PAIP2B: variants seen among roughly 807,000 people sequenced by gnomAD.
The protein encoded by PAIP2B is poly(A) binding protein interacting protein 2B.
Under a neutral mutation model 17.0 loss-of-function variants are expected in PAIP2B, and 13 were observed. The observed-to-expected ratio is 0.76, with a 90% CI of 0.50 to 1.22. PAIP2B has a LOEUF of 1.22. Among genes scored for constraint, PAIP2B ranks in the 50% most tolerant of loss-of-function variants. The pLI is 0.00. For missense variants in PAIP2B, 117 were observed against 144.5 expected (o/e 0.81, Z 0.98); for synonymous variants, 43 against 48.7 (o/e 0.88, Z 0.48).
intron 1 of PAIP2B, among the ~76,000 whole-genome samples, chr2:71,226,424 A>AG (rs1240236480): frequency 1.3e-5 from 2 of 152,170 alleles, no homozygotes; most frequent in Admixed American, 6.5e-5. Context: ...GCTGGAGTCA[A>AG]GGGGGAGATG....
At chr2:71,211,554 A>ATGTT in intron 1 of PAIP2B, among the ~76,000 whole-genome samples, 2 of 151,140 alleles carry the variant, frequency 1.3e-5, no homozygotes, top group Middle Eastern at 6.8e-3. Context: ...CTACACCAAC[A>ATGTT]GTTCCCAAAC....
chr2:71,220,103 C>A (rs2103825937), intron 1 of PAIP2B, among the ~76,000 whole-genome samples: 1 of 152,318 alleles, frequency 6.6e-6, no homozygotes, highest in East Asian at 1.9e-4. Context: ...TCATCCCTAT[C>A]ATACTAGCAC....
Position 71,188,469 on chromosome 2 carries a change from C to T in PAIP2B, c.*10G>A. ...GGGGACAGACAAGTCTTCCTCAAAG[C>T]TTTCTCGGCTCAGTACTTCTCTCCT... On this transcript the variant is annotated 3_prime_UTR_variant, in exon 4 of 4. Coordinates refer to ENST00000244221, the MANE Select transcript of PAIP2B (RefSeq NM_020459.1). 6.2e-7 allele frequency: 1 copy of T among 1,606,488 alleles called. No individual in the cohort carries two copies. Among genetic ancestry groups the T allele is most frequent in the African/African-American group, 1.3e-5 (1 of 74,860 alleles).
At chr2:71,190,140 C>G (rs1674649690) in intron 2 of PAIP2B, 119 bp from the exon 3 acceptor site, 2 of 1,052,584 alleles carry the variant, frequency 1.9e-6, no homozygotes, top group Non-Finnish European at 2.7e-6. Flanking sequence ...TGATCTTGAG[C>G]TGGGTGTGGT....
chr2:71,198,983 G>A (rs1487832669), intron 2 of PAIP2B, among the ~76,000 whole-genome samples: 17 of 152,038 alleles, frequency 1.1e-4, no homozygotes, highest in Non-Finnish European at 2.5e-4. Flanking sequence ...TGAACACTGT[G>A]GAAATGACAA....
At chr2:71,190,798 C>G (rs563206069) in intron 2 of PAIP2B, among the ~76,000 whole-genome samples, 7 of 152,166 alleles carry the variant, frequency 4.6e-5, no homozygotes, top group African/African-American at 1.7e-4. Context: ...AAAATCAAAG[C>G]CAATGCTCTC....
At chr2:71,215,291 T>G (rs1297315937) in intron 1 of PAIP2B, among the ~76,000 whole-genome samples, 1 of 151,474 alleles carries the variant, frequency 6.6e-6, no homozygotes, top group Non-Finnish European at 1.5e-5. Context: ...GAGCGAGACT[T>G]CGTCTCAAAA....
At chr2:71,190,116 T>G (rs1440672621) in intron 2 of PAIP2B, 95 bp from the exon 3 acceptor site, 2 of 1,233,182 alleles carry the variant, frequency 1.6e-6, no homozygotes, top group Admixed American at 5.3e-5. Context: ...AAGGTATTAC[T>G]CTGCAATTAA....
intron 2 of PAIP2B, among the ~76,000 whole-genome samples, chr2:71,201,033 G>A (rs1674971811): frequency 6.6e-6 from 1 of 151,666 alleles, no homozygotes; most frequent in African/African-American, 2.4e-5. Flanking sequence ...GTGTGTGTGT[G>A]TGTGTGTGTG....
chr2:71,218,755 G>A (rs909987272), intron 1 of PAIP2B, among the ~76,000 whole-genome samples: 7 of 151,938 alleles, frequency 4.6e-5, no homozygotes, highest in Non-Finnish European at 7.4e-5. Context: ...AAATGATGAT[G>A]CCAGGATATA....
rs571869321 is a variant in PAIP2B, at chr2:71,186,304, C to A, written c.*2175G>T. On this transcript the variant is annotated 3_prime_UTR_variant, in exon 4 of 4. Transcript: ENST00000244221. ...AGAGTTGGACTACAAGAGGAACCGC[C>A]GGAAGCAGAGTCCTATGCATTTAAA... is the stretch of plus-strand genomic sequence containing the variant. The A allele has an allele frequency of 1.3e-5, 2 of 152,292 alleles. No individual in the cohort carries two copies. Among genetic ancestry groups the A allele is most frequent in the South Asian group, 4.2e-4 (2 of 4,812 alleles). The allele number at this position is 152,292 out of a possible 1,614,324, so 9.4% of individuals were successfully genotyped here.
At chr2:71,222,207 A>G (rs937363606) in intron 1 of PAIP2B, among the ~76,000 whole-genome samples, 3 of 152,182 alleles carry the variant, frequency 2.0e-5, no homozygotes, top group Non-Finnish European at 2.9e-5. Flanking sequence ...CAGACACAAT[A>G]CAACTATTGT....
At chr2:71,225,577 G>A (rs1162110918) in intron 1 of PAIP2B, among the ~76,000 whole-genome samples, 2 of 152,126 alleles carry the variant, frequency 1.3e-5, no homozygotes, top group Non-Finnish European at 2.9e-5. Flanking sequence ...GTAGCCAGAG[G>A]AGCCTATCAG....
chr2:71,211,315 G>A lies in PAIP2B; in HGVS notation c.-11-8715C>T, dbSNP rs180689841. Among the ~76,000 whole-genome samples the A allele has an allele frequency of 8.4e-4, 127 of 151,898 alleles. 1 individual carries two copies. Among genetic ancestry groups the A allele is most frequent in the African/African-American group, 2.9e-3 (121 of 41,430 alleles). ...GCAAGAAGGTCTATTCTAATTGAGC[G>A]GTTTTCAGTCTTAGGAGTATATAGA... is the stretch of plus-strand genomic sequence containing the variant. On this transcript the variant is annotated intron_variant, in intron 1 of 3. Coordinates refer to ENST00000244221, the MANE Select transcript of PAIP2B (RefSeq NM_020459.1).
chr2:71,217,627 T>G (rs1675461125), intron 1 of PAIP2B, among the ~76,000 whole-genome samples: 1 of 152,238 alleles, frequency 6.6e-6, no homozygotes, highest in Non-Finnish European at 1.5e-5. Context: ...CACATTGTGT[T>G]ACCTGCAAAG....
intron 1 of PAIP2B, among the ~76,000 whole-genome samples, chr2:71,226,342 C>T (rs1263122963): frequency 6.6e-6 from 1 of 152,180 alleles, no homozygotes; most frequent in African/African-American, 2.4e-5. Flanking sequence ...GGGTGATGGG[C>T]TCACTCACGG....
intron 1 of PAIP2B, among the ~76,000 whole-genome samples, chr2:71,214,833 A>G (rs1178708471): frequency 6.6e-6 from 1 of 152,202 alleles, no homozygotes; most frequent in African/African-American, 2.4e-5. Context: ...TGGACCCTCT[A>G]TGAACCTGTA....
intron 1 of PAIP2B, among the ~76,000 whole-genome samples, chr2:71,215,326 C>T (rs1675400739): frequency 6.6e-6 from 1 of 152,096 alleles, no homozygotes. Context: ...TGCAGACTCC[C>T]CCCAGCCTCC....
At chr2:71,222,628 C>T (rs1442110706) in intron 1 of PAIP2B, among the ~76,000 whole-genome samples, 1 of 152,154 alleles carries the variant, frequency 6.6e-6, no homozygotes, top group East Asian at 1.9e-4. Flanking sequence ...TACATTCAGC[C>T]CTCATCACCA....
Sources: allele counts gnomAD v4.1 joint callset (sites outside exome capture counted in the v4.1 genomes callset), GRCh38; gene constraint gnomAD v4.1.1; transcripts MANE v1.5; gene names NCBI Gene and HGNC (gene_info 2026-07-23, HGNC 2026-07-21).